Variants in CCDC34 observed in about 807,000 individuals in gnomAD.
CCDC34 encodes coiled-coil domain containing 34.
A neutral mutation model predicts 44.1 loss-of-function variants in CCDC34; 40 were observed. That is an observed-to-expected ratio of 0.91 (90% CI 0.70 to 1.18). The LOEUF is 1.18. Among genes scored for constraint, CCDC34 ranks in the 50% most tolerant of loss-of-function variants. The pLI, the probability that CCDC34 is intolerant of heterozygous loss-of-function variation, is 0.00. For missense variants in CCDC34, 466 were observed against 452.3 expected, an observed-to-expected ratio of 1.03 and a Z score of -0.28; for synonymous variants, 159 against 158.2, an observed-to-expected ratio of 1.01 and a Z score of -0.04.
In CCDC34 at chr11:27,341,513, A is replaced by C. The variant is rs751709386; in HGVS notation, c.644T>G (p.Met215Arg). The C allele has an allele frequency of 1.5e-6, 2 of 1,348,638 alleles. No individual in the cohort carries two copies. Among genetic ancestry groups the C allele is most frequent in the South Asian group, 3.3e-5 (2 of 61,326 alleles). 83.5% of individuals were successfully genotyped at this position (1,348,638 alleles called of 1,614,324 possible). Residue 215 changes from methionine (M) to arginine (R), a missense_variant, in exon 4 of 6, where the codon ATG becomes AGG. By Grantham distance (91) the Met-to-Arg change is moderately conservative (BLOSUM62 -1). Coordinates refer to ENST00000328697, the MANE Select transcript of CCDC34 (RefSeq NM_030771.2). ...CAGTTCCTTTGCTGCTTTTTCCTCC[A>C]TTTCTTTATTAATTTTTTGTTCTCT... Reference protein sequence around the residue: ...KEREQKINKEMEEKAAKELEK... With the variant: ...KEREQKINKEREEKAAKELEK...
chr11:27,363,114 C>A lies in CCDC34; in HGVS notation c.81G>T (p.Arg27=). The change falls in exon 1 of 6, where the codon CGG becomes CGT. Residue 27 remains arginine (R), a synonymous_variant. Transcript: ENST00000328697. ...GFSADCRPRS[R]PSSDSCSVPM... is the part of the protein sequence containing the mutation. ...GGACTGAGCAGGAGTCCGAGGAGGG[C>A]CGAGACCTGGGTCTGCAGTCAGCAG... is the stretch of plus-strand genomic sequence containing the variant. 1 of 1,585,396 alleles carries A rather than the reference C, an allele frequency of 6.3e-7. No homozygotes were observed. Among genetic ancestry groups the A allele is most frequent in the Non-Finnish European group, 8.6e-7 (1 of 1,165,286 alleles).
intron 2 of CCDC34, among the ~76,000 whole-genome samples, chr11:27,355,157 C>G (rs1319397232): frequency 6.6e-6 from 1 of 152,106 alleles, no homozygotes; most frequent in Non-Finnish European, 1.5e-5. Context: ...GTAGATAAAG[C>G]CCAATACCAG....
chr11:27,360,743 T>C (rs1460030262), intron 1 of CCDC34, among the ~76,000 whole-genome samples: 1 of 152,226 alleles, frequency 6.6e-6, no homozygotes, highest in Non-Finnish European at 1.5e-5. Context: ...GTAGTACCTG[T>C]GGTTGGTTAT....
chr11:27,348,803 GA>G (rs34797091), intron 3 of CCDC34: 236,368 of 748,800 alleles, frequency 0.32, 5,457 homozygotes, highest in Non-Finnish European at 0.33. Context: ...AGGTCTTAAA[GA>G]AAAAAAAAAA....
At chr11:27,362,240 AC>A (rs1199203014) in intron 1 of CCDC34, among the ~76,000 whole-genome samples, 2 of 152,274 alleles carry the variant, frequency 1.3e-5, no homozygotes, top group East Asian at 3.9e-4. Context: ...ACAAATTAAG[AC>A]AGTTTTAATA....
intron 1 of CCDC34, among the ~76,000 whole-genome samples, chr11:27,358,813 C>T (rs1475172119): frequency 6.6e-6 from 1 of 152,048 alleles, no homozygotes; most frequent in African/African-American, 2.4e-5. Context: ...TCTAATCATC[C>T]TCTACCATCC....
intron 3 of CCDC34, among the ~76,000 whole-genome samples, chr11:27,347,282 T>C (rs899278205): frequency 6.6e-6 from 1 of 152,202 alleles, no homozygotes; most frequent in African/African-American, 2.4e-5. Flanking sequence ...AAATGGTACA[T>C]GTACTTTAGA....
chr11:27,354,987 A>G (rs1437834857), intron 2 of CCDC34, among the ~76,000 whole-genome samples: 2 of 152,194 alleles, frequency 1.3e-5, no homozygotes, highest in Non-Finnish European at 2.9e-5. Flanking sequence ...TCACAGAATT[A>G]GAATGGCAAG....
At position 27,342,598 on chromosome 11, in the gene CCDC34, C is replaced by T. The variant is rs181554558; in HGVS notation, c.607-1048G>A. Among the ~76,000 whole-genome samples the T allele has an allele frequency of 4.0e-3, 607 of 152,078 alleles. 2 individuals are homozygous for T. Among genetic ancestry groups the T allele is most frequent in the African/African-American group, 0.014 (571 of 41,500 alleles). Reference sequence around the variant, plus strand: ...GCACTGACAATCACATCTGATCTACCATCACCTGTATTTGTAAATGAAGTT... The same window carrying T: ...GCACTGACAATCACATCTGATCTACTATCACCTGTATTTGTAAATGAAGTT... On this transcript the variant is annotated intron_variant, in intron 3 of 5. Transcript: ENST00000328697.
chr11:27,357,689 T>A (rs1862599025), intron 1 of CCDC34, 148 bp from the exon 2 acceptor site: 1 of 626,296 alleles, frequency 1.6e-6, no homozygotes, highest in African/African-American at 1.9e-5. Context: ...TACATAAGTA[T>A]ACATTTAAAA....
intron 5 of CCDC34, among the ~76,000 whole-genome samples, chr11:27,340,327 T>C (rs148684380): frequency 4.6e-5 from 7 of 152,250 alleles, no homozygotes; most frequent in East Asian, 3.9e-4. Context: ...GCCAAGGACA[T>C]GGGAAGCTCT....
Position 27,341,448 on chromosome 11 carries a change from G to C in CCDC34, c.709C>G (p.Gln237Glu). Residue 237 changes from glutamine to glutamate, a missense_variant, in exon 4 of 6, where the codon CAA becomes GAA. Transcript: ENST00000328697. ...GCATTTTTTTTCTTTAACCATTCTT[G>C]ATATTTTTCTTTTGCTTTTTCTTGC... ...YLQEKAKEKYQEWLKKKNAEE... is the reference protein window; with the variant it reads ...YLQEKAKEKYEEWLKKKNAEE... 1 of 1,452,384 alleles carries C rather than the reference G, an allele frequency of 6.9e-7. No individual in the cohort carries two copies. Among genetic ancestry groups the C allele is most frequent in the South Asian group, 1.4e-5 (1 of 71,864 alleles). 90.0% of individuals were successfully genotyped at this position (1,452,384 alleles called of 1,614,324 possible). A position where few individuals can be genotyped will look rare whatever the true frequency, so the allele number is the denominator to read the frequency against.
chr11:27,339,218 A>T (rs1000613895), intron 5 of CCDC34, among the ~76,000 whole-genome samples, 183 bp from the exon 6 acceptor site: 2 of 152,218 alleles, frequency 1.3e-5, no homozygotes, highest in African/African-American at 4.8e-5. Context: ...TTCCAAATAC[A>T]GTAAATATTT....
At position 27,357,474 on chromosome 11, in the gene CCDC34, T is replaced by C. The variant is rs1862596188; in HGVS notation, c.427A>G (p.Thr143Ala). Residue 143 changes from threonine (T) to alanine (A), a missense_variant, in exon 2 of 6, where the codon ACA (threonine) becomes GCA (alanine). By Grantham distance (58) the Thr-to-Ala change is moderately conservative. Transcript: ENST00000328697. ...CCAATAAACCACACCTCCCATGGTG[T>C]CAGGCGGCTTTCTGGTAAGCGCACC... ...KQVRLPESRLTPWEVWFIGKE... is the reference protein window; with the variant it reads ...KQVRLPESRLAPWEVWFIGKE... 1 of 1,613,958 alleles carries C rather than the reference T, an allele frequency of 6.2e-7. No homozygotes were observed. Among genetic ancestry groups the C allele is most frequent in the African/African-American group, 1.3e-5 (1 of 74,924 alleles).
At chr11:27,357,696 A>G (rs1353879587) in intron 1 of CCDC34, among the ~76,000 whole-genome samples, 155 bp from the exon 2 acceptor site, 1 of 152,244 alleles carries the variant, frequency 6.6e-6, no homozygotes, top group African/African-American at 2.4e-5. Flanking sequence ...GTATACATTT[A>G]AAAAATCATG....
intron 2 of CCDC34, among the ~76,000 whole-genome samples, chr11:27,351,033 G>A (rs1286096436): frequency 4.6e-5 from 7 of 152,098 alleles, no homozygotes; most frequent in African/African-American, 7.2e-5. Context: ...GAATCTACAC[G>A]TTTGGGCATT....
In CCDC34 at chr11:27,338,988, T is replaced by A. The variant is rs16925453; in HGVS notation, c.955A>T (p.Ile319Phe). 5.6e-6 allele frequency: 9 copies of A among 1,613,662 alleles called. No homozygotes were observed. In the East Asian group the frequency reaches 1.6e-4, roughly 28 times the overall value. Residue 319 changes from isoleucine to phenylalanine, a missense_variant, in exon 6 of 6, where the codon ATT (isoleucine) becomes TTT (phenylalanine). By Grantham distance (21) the Ile-to-Phe change is conservative. Transcript: ENST00000328697. ...SYPEPAFYNP[I>F]PWKPIHMPPP... ...GGCATATGAATTGGTTTCCACGGAA[T>A]TGGATTATAAAAGGCTGGTTCTGGA...
rs77142757 is a variant in CCDC34 at position 27,362,926 on chromosome 11, A to C, written c.269T>G (p.Val90Gly). Residue 90 changes from valine to glycine, a missense_variant, in exon 1 of 6, where the codon GTG becomes GGG. Physicochemically the swap from Val to Gly is moderately radical, Grantham distance 109. Coordinates refer to ENST00000328697, the MANE Select transcript of CCDC34 (RefSeq NM_030771.2). ...DDGDGEDEED[V>G]DDEEDVDEDA... The stretch of plus-strand genomic sequence containing the variant: ...TTCATCCACGTCTTCCTCATCATCC[A>C]CGTCTTCCTCATCCTCCCCGTCACC... The C allele has an allele frequency of 4.4e-6, 7 of 1,603,732 alleles. No homozygotes were observed. Among genetic ancestry groups the C allele is most frequent in the Non-Finnish European group, 5.9e-6 (7 of 1,177,508 alleles).
At chr11:27,349,705 A>G (rs1008335159) in intron 3 of CCDC34, 36 of 979,768 alleles carry the variant, frequency 3.7e-5, no homozygotes, top group Non-Finnish European at 4.4e-5. Flanking sequence ...CAGCCATTCA[A>G]TGAACATCTT....
Sources: allele counts gnomAD v4.1 joint callset (sites outside exome capture counted in the v4.1 genomes callset), GRCh38; gene constraint gnomAD v4.1.1; transcripts MANE v1.5; gene names NCBI Gene and HGNC (gene_info 2026-07-23, HGNC 2026-07-21).